The following MYO5A variants were observed in gnomAD, a reference collection of about 807,000 sequenced individuals.
The protein encoded by MYO5A is unconventional myosin-Va.
MYO5A carries 98 observed loss-of-function variants against 249.7 expected under a neutral mutation model. That is an observed-to-expected ratio of 0.39 (90% CI 0.33 to 0.46). The LOEUF (loss-of-function observed/expected upper bound fraction) is 0.46, where lower values mean the gene tolerates loss of function less well. MYO5A is among the 20% of genes least tolerant of loss of function. The probability of loss-of-function intolerance (pLI) is 0.98; values close to 1 mark genes in which losing one functional copy is unlikely to be tolerated. For missense variants in MYO5A, 1,696 were observed against 2,308.8 expected (o/e 0.73, Z 5.44); for synonymous variants, 778 against 810.6 (o/e 0.96, Z 0.68).
intron 1 of MYO5A, among the ~76,000 whole-genome samples, chr15:52,436,697 C>T (rs1430298795): frequency 6.6e-6 from 1 of 152,190 alleles, no homozygotes; most frequent in African/African-American, 2.4e-5. Context: ...CAGTACCTGA[C>T]ACAGAGCTGG....
At position 52,311,574 on chromosome 15, in the gene MYO5A, T is replaced by C. The variant is rs979099384; in HGVS notation, c.*2122A>G. 14 of 152,338 alleles carry C rather than the reference T, an allele frequency of 9.2e-5. No homozygotes were observed. Among genetic ancestry groups the C allele is most frequent in the African/African-American group, 3.1e-4 (13 of 41,570 alleles). 9.4% of individuals were successfully genotyped at this position (152,338 alleles called of 1,614,324 possible). On this transcript the variant is annotated 3_prime_UTR_variant, in exon 42 of 42. Transcript: ENST00000399233. Reference sequence around the variant, plus strand: ...ACTTAAACTAATTATAATACAAATATAGTAGGACCTTCTAAAAGCATGTAC... The same window carrying C: ...ACTTAAACTAATTATAATACAAATACAGTAGGACCTTCTAAAAGCATGTAC...
intron 1 of MYO5A, among the ~76,000 whole-genome samples, chr15:52,499,375 C>T (rs1399143642): frequency 2.6e-5 from 4 of 152,168 alleles, no homozygotes; most frequent in Admixed American, 1.3e-4. Context: ...TAAGTATACA[C>T]TTCAGTGGTG....
chr15:52,518,353 G>A (rs1376900996), intron 1 of MYO5A, among the ~76,000 whole-genome samples: 3 of 151,042 alleles, frequency 2.0e-5, no homozygotes, highest in Non-Finnish European at 4.4e-5. Context: ...AAAAAAATTA[G>A]TATAAACAGT....
At chr15:52,422,926 C>T (rs1595652149) in intron 4 of MYO5A, among the ~76,000 whole-genome samples, 1 of 152,036 alleles carries the variant, frequency 6.6e-6, no homozygotes, top group East Asian at 1.9e-4. Context: ...ACTATGTTGC[C>T]CAGGCTGGAG....
At chr15:52,465,987 A>C (rs945055874) in intron 1 of MYO5A, among the ~76,000 whole-genome samples, 1 of 152,188 alleles carries the variant, frequency 6.6e-6, no homozygotes, top group Admixed American at 6.5e-5. Context: ...AAAAGGGTAC[A>C]TATCTCTCTG....
intron 1 of MYO5A, among the ~76,000 whole-genome samples, chr15:52,467,596 C>T (rs1031064782): frequency 6.6e-6 from 1 of 152,060 alleles, no homozygotes; most frequent in Non-Finnish European, 1.5e-5. Flanking sequence ...TTCTGAAAAC[C>T]TATTTAAGGA....
At chr15:52,515,381 G>T (rs2077476069) in intron 1 of MYO5A, among the ~76,000 whole-genome samples, 1 of 152,144 alleles carries the variant, frequency 6.6e-6, no homozygotes, top group Non-Finnish European at 1.5e-5. Flanking sequence ...GCAGGGGTGT[G>T]GGGGAAAGTA....
intron 12 of MYO5A, among the ~76,000 whole-genome samples, chr15:52,390,488 A>C (rs1356939957): frequency 1.3e-5 from 2 of 151,934 alleles, no homozygotes; most frequent in African/African-American, 2.4e-5. Flanking sequence ...ATTCAGAAAG[A>C]TATAAAATGG....
intron 4 of MYO5A, among the ~76,000 whole-genome samples, chr15:52,423,110 T>A (rs1313975465): frequency 2.0e-5 from 3 of 152,206 alleles, no homozygotes. Context: ...GAACAGTGTC[T>A]GGCGTTTGGA....
chr15:52,498,421 C>T (rs11854247), intron 1 of MYO5A, among the ~76,000 whole-genome samples: 22,866 of 152,116 alleles, frequency 0.15, 1,828 homozygotes, highest in Middle Eastern at 0.22. Flanking sequence ...TATAGAAAGA[C>T]TGAACGAATT....
At chr15:52,366,757 A>C (rs2141071447) in intron 23 of MYO5A, among the ~76,000 whole-genome samples, 1 of 152,240 alleles carries the variant, frequency 6.6e-6, no homozygotes, top group East Asian at 1.9e-4. Context: ...ATGCAGAACA[A>C]ATTAATTTTA....
intron 1 of MYO5A, among the ~76,000 whole-genome samples, chr15:52,460,656 TGCGAGGGCGAGG>T (rs150007594): frequency 6.6e-6 from 1 of 151,578 alleles, no homozygotes; most frequent in Non-Finnish European, 1.5e-5. Flanking sequence ...ACGAGGACCG[TGCGAGGGCGAGG>T]GCGAGGGCGA....
At chr15:52,438,250 C>A (rs1220132525) in intron 1 of MYO5A, among the ~76,000 whole-genome samples, 1 of 152,152 alleles carries the variant, frequency 6.6e-6, no homozygotes, top group Non-Finnish European at 1.5e-5. Context: ...CTAAACTTGT[C>A]CAGTCACATC....
At position 52,369,313 on chromosome 15, in the gene MYO5A, C is replaced by G. The variant is rs1001788322; in HGVS notation, c.3066+856G>C. ...CAGCAGTTACAGCTGACACAGGCAACTCTGTTTTCATTTAAAGATGGTAAT... is the reference window on the plus strand; with the variant it reads ...CAGCAGTTACAGCTGACACAGGCAAGTCTGTTTTCATTTAAAGATGGTAAT... On this transcript the variant is annotated intron_variant, in intron 22 of 41. Coordinates refer to ENST00000399233, the MANE Select transcript of MYO5A (RefSeq NM_001382347.1). 2.0e-5 allele frequency among the ~76,000 whole-genome samples: 3 copies of G among 152,182 alleles called. No homozygotes were observed. The East Asian group carries it at 5.8e-4, about 29-fold the overall frequency.
intron 1 of MYO5A, among the ~76,000 whole-genome samples, chr15:52,445,753 C>A (rs1174232200): frequency 3.3e-5 from 5 of 152,146 alleles, no homozygotes; most frequent in African/African-American, 9.7e-5. Context: ...TTACGCCTCA[C>A]CAAAGAACTT....
intron 14 of MYO5A, among the ~76,000 whole-genome samples, chr15:52,387,560 T>A (rs1424834631): frequency 2.0e-5 from 3 of 152,200 alleles, no homozygotes; most frequent in Admixed American, 2.0e-4. Flanking sequence ...GGCCTGGATT[T>A]TAATTTGGCT....
chr15:52,327,744 T>G, intron 36 of MYO5A, 108 bp downstream of exon 36: 1 of 1,225,010 alleles, frequency 8.2e-7, no homozygotes. Flanking sequence ...AATTGGAAAG[T>G]TTTAATAACA....
chr15:52,373,445 T>A lies in MYO5A; in HGVS notation c.2578-1082A>T, dbSNP rs900207600. Among the ~76,000 whole-genome samples, 4 of 152,222 alleles carry A rather than the reference T, an allele frequency of 2.6e-5. No homozygotes were observed. The South Asian group carries it at 6.2e-4, about 24-fold the overall frequency. Reference sequence around the variant, plus strand: ...TTAGTCAAATGGAAACAGCATTTAATCAGAGCTTCCATTTTCAATCTCACT... The same window carrying A: ...TTAGTCAAATGGAAACAGCATTTAAACAGAGCTTCCATTTTCAATCTCACT... On this transcript the variant is annotated intron_variant, in intron 20 of 41. Transcript: ENST00000399233.
Position 52,376,509 on chromosome 15 carries a change from C to T in MYO5A, c.2258G>A (p.Gly753Asp). Residue 753 changes from glycine to aspartate, a missense_variant, in exon 19 of 42, where the codon GGT becomes GAT. Physicochemically the swap from Gly to Asp is moderately conservative, Grantham distance 94. Around this residue, in one of 5 missense-constraint regions of MYO5A, gnomAD observed 277 missense variants for 422.4 expected, o/e 0.66. Coordinates refer to ENST00000399233, the MANE Select transcript of MYO5A (RefSeq NM_001382347.1). Reference sequence around the variant, plus strand: ...CAATTTTTCTAGATAGGCCACTTGACCGGCACGGAAAAAGATCTTTGTCTT... The same window carrying T: ...CAATTTTTCTAGATAGGCCACTTGATCGGCACGGAAAAAGATCTTTGTCTT... ...FGKTKIFFRA[G>D]QVAYLEKLRA... The T allele has an allele frequency of 1.2e-6, 2 of 1,614,194 alleles. No homozygotes were observed. Among genetic ancestry groups the T allele is most frequent in the Non-Finnish European group, 8.5e-7 (1 of 1,180,034 alleles).
Sources: gnomAD v4.1 joint callset for allele counts (sites outside exome capture counted in the v4.1 genomes callset) on GRCh38, gnomAD v4.1.1 for gene constraint, gnomAD v4.1.1 regional missense constraint, MANE v1.5 for transcripts, NCBI Gene and HGNC (gene_info 2026-07-23, HGNC 2026-07-21) for gene names.